Variants in TYW1B observed in about 807,000 individuals in gnomAD.
The protein encoded by TYW1B is tRNA-yW synthesizing protein 1 homolog B.
A neutral mutation model predicts 86.9 loss-of-function variants in TYW1B; 73 were observed. The ratio of observed to expected loss-of-function variants is 0.84; its 90% CI spans 0.70 to 1.02. TYW1B has a LOEUF of 1.02. TYW1B is among the 50% of genes least tolerant of loss of function. TYW1B has a pLI of 0.00. For synonymous variants in TYW1B, 248 were observed against 292.8 expected, an observed-to-expected ratio of 0.85 and a Z score of 1.56; for missense variants, 637 against 827.4, an observed-to-expected ratio of 0.77 and a Z score of 2.82.
At chr7:72,809,617 A>C (rs782752332) in intron 4 of TYW1B, among the ~76,000 whole-genome samples, 1 of 152,148 alleles carries the variant, frequency 6.6e-6, no homozygotes, top group Non-Finnish European at 1.5e-5. Context: ...AGGTCACTGC[A>C]TTCCAGCCTG....
chr7:72,698,578 G>A (rs185914028), intron 10 of TYW1B, among the ~76,000 whole-genome samples: 143 of 151,528 alleles, frequency 9.4e-4, no homozygotes, highest in Non-Finnish European at 1.5e-3. Flanking sequence ...CCCAGGAGGC[G>A]GAGGCTGCAG....
chr7:72,666,309 C>T (rs1432968279), intron 11 of TYW1B, among the ~76,000 whole-genome samples: 2 of 151,666 alleles, frequency 1.3e-5, no homozygotes, highest in African/African-American at 4.8e-5. Flanking sequence ...ACCTGTAGTC[C>T]CAACTATTTG....
chr7:72,586,191 T>G (rs1477447777), intron 13 of TYW1B, among the ~76,000 whole-genome samples: 1 of 152,130 alleles, frequency 6.6e-6, no homozygotes. Context: ...AGCTTCCAGT[T>G]GTCCTATCGC....
intron 1 of TYW1B, 140 bp downstream of exon 1, chr7:72,827,932 A>T: frequency 6.7e-7 from 1 of 1,502,006 alleles, no homozygotes; most frequent in South Asian, 1.2e-5. Context: ...CCTTGCTCTC[A>T]GCGGCGGCTA....
rs1489117291 is a variant in TYW1B at position 72,632,420 on chromosome 7, TATAAAA to T, written c.1507-3429_1507-3424del. Among the ~76,000 whole-genome samples, 8 of 113,002 alleles carry T rather than the reference TATAAAA, an allele frequency of 7.1e-5. 1 individual carries two copies. The highest frequency in any genetic ancestry group is 2.4e-4 in the African/African-American group (6 of 24,792). 74.1% of individuals were successfully genotyped at this position (113,002 alleles called of 152,430 possible). A position where few individuals can be genotyped will look rare whatever the true frequency, so the allele number is the denominator to read the frequency against. On this transcript the variant is annotated intron_variant, in intron 11 of 13. Transcript: ENST00000620995. ...TATATAATATATATATACATATATA[TATAAAA>T]TATATATATACGTATATATATAAAA...
Position 72,807,337 on chromosome 7 carries a change from T to C in TYW1B, c.452A>G (p.Lys151Arg). 2 of 1,611,632 alleles carry C rather than the reference T, an allele frequency of 1.2e-6. No homozygotes were observed. Among genetic ancestry groups the C allele is most frequent in the Non-Finnish European group, 1.7e-6 (2 of 1,177,854 alleles). The change falls in exon 5 of 14, where the codon AAG becomes AGG. Residue 151 changes from lysine (K) to arginine (R), a missense_variant. Coordinates refer to ENST00000620995, the MANE Select transcript of TYW1B (RefSeq NM_001145440.3). Reference sequence around the variant, plus strand: ...ATGCACGCCAAGCATCCAGAGCCACTTGTCAACATTTTTGCCAACCTGCGA... The same window carrying C: ...ATGCACGCCAAGCATCCAGAGCCACCTGTCAACATTTTTGCCAACCTGCGA... Reference protein sequence around the residue: ...HFNKVGKNVDKWLWMLGVHRV... With the variant: ...HFNKVGKNVDRWLWMLGVHRV...
At chr7:72,809,729 A>G (rs11495939) in intron 4 of TYW1B, among the ~76,000 whole-genome samples, 104,289 of 151,844 alleles carry the variant, frequency 0.69, 36,728 homozygotes, top group Non-Finnish European at 0.77. Context: ...GCTGGGCATG[A>G]TGGCTCACAC....
chr7:72,641,987 A>G (rs1378978235), intron 11 of TYW1B, among the ~76,000 whole-genome samples: 5 of 152,224 alleles, frequency 3.3e-5, no homozygotes, highest in Admixed American at 2.0e-4. Context: ...ACTCAAAGCT[A>G]TGTTAATCAA....
chr7:72,618,196 A>T (rs1812124395), intron 12 of TYW1B, among the ~76,000 whole-genome samples: 1 of 150,464 alleles, frequency 6.6e-6, no homozygotes, highest in African/African-American at 2.4e-5. Flanking sequence ...CACACACCAC[A>T]GACAAATTGG....
chr7:72,769,038 T>C, intron 7 of TYW1B: 1 of 353,562 alleles, frequency 2.8e-6, no homozygotes, highest in South Asian at 3.5e-5. Context: ...AAAAGAAGCC[T>C]ACTCTCATAA....
chr7:72,630,434 A>G (rs1473648152), intron 11 of TYW1B, among the ~76,000 whole-genome samples: 1 of 152,006 alleles, frequency 6.6e-6, no homozygotes, highest in Non-Finnish European at 1.5e-5. Context: ...CATCTGTAGC[A>G]AATGCCCAGG....
chr7:72,575,145 T>C lies in TYW1B; in HGVS notation c.*353A>G. On this transcript the variant is annotated 3_prime_UTR_variant, in exon 14 of 14. Transcript: ENST00000620995. Reference sequence around the variant, plus strand: ...CAGGTGAGGGGAAGAGGCCCAGGGATTTCTTCCTTGTCTGACACTCTCAGG... The same window carrying C: ...CAGGTGAGGGGAAGAGGCCCAGGGACTTCTTCCTTGTCTGACACTCTCAGG... 3 of 1,077,236 alleles carry C rather than the reference T, an allele frequency of 2.8e-6. No homozygotes were observed. Among genetic ancestry groups the C allele is most frequent in the Non-Finnish European group, 3.4e-6 (3 of 887,440 alleles). 66.7% of individuals were successfully genotyped at this position (1,077,236 alleles called of 1,614,324 possible).
chr7:72,621,852 C>A (rs757907306), intron 12 of TYW1B, among the ~76,000 whole-genome samples: 6 of 152,190 alleles, frequency 3.9e-5, no homozygotes, highest in Non-Finnish European at 7.3e-5. Context: ...AGCTGATAAA[C>A]GCTGGTTAGG....
At chr7:72,606,260 G>A (rs1268248777) in intron 13 of TYW1B, among the ~76,000 whole-genome samples, 1 of 151,952 alleles carries the variant, frequency 6.6e-6, no homozygotes, top group East Asian at 1.9e-4. Flanking sequence ...GGGCAGCCTA[G>A]GAAGACAGAA....
chr7:72,627,389 A>G (rs1427137586), intron 12 of TYW1B, among the ~76,000 whole-genome samples: 1 of 151,968 alleles, frequency 6.6e-6, no homozygotes, highest in African/African-American at 2.4e-5. Context: ...CGGAGGTTTC[A>G]GTGAGCCGAG....
intron 11 of TYW1B, among the ~76,000 whole-genome samples, chr7:72,669,505 C>T (rs1179461025): frequency 3.3e-5 from 5 of 151,874 alleles, no homozygotes; most frequent in Non-Finnish European, 5.9e-5. Context: ...GTGGCTCATG[C>T]CTATAATCCC....
intron 6 of TYW1B, among the ~76,000 whole-genome samples, chr7:72,801,571 A>G (rs1359945849): frequency 2.0e-5 from 3 of 151,780 alleles, no homozygotes; most frequent in Non-Finnish European, 4.4e-5. Context: ...TATGGACTAC[A>G]TATAATTTTA....
At chr7:72,681,913 TG>T (rs1813884587) in intron 11 of TYW1B, among the ~76,000 whole-genome samples, 1 of 150,580 alleles carries the variant, frequency 6.6e-6, no homozygotes, top group East Asian at 2.0e-4. Flanking sequence ...AGTCTCTCTC[TG>T]TCTCCCAAGC....
chr7:72,807,892 G>C (rs1788527281), intron 4 of TYW1B, among the ~76,000 whole-genome samples: 1 of 152,102 alleles, frequency 6.6e-6, no homozygotes, highest in Non-Finnish European at 1.5e-5. Flanking sequence ...CTTCCTGAGT[G>C]GCAAGGCATT....
Sources: allele counts gnomAD v4.1 joint callset (sites outside exome capture counted in the v4.1 genomes callset), GRCh38; gene constraint gnomAD v4.1.1; transcripts MANE v1.5; gene names NCBI Gene and HGNC (gene_info 2026-07-23, HGNC 2026-07-21).